Variants in NEDD1 observed in about 807,000 individuals in gnomAD.
NEDD1 encodes the protein protein NEDD1.
Under a neutral mutation model 74.0 loss-of-function variants are expected in NEDD1, and 33 were observed. That is an observed-to-expected ratio of 0.45 (90% CI 0.34 to 0.60). The LOEUF (loss-of-function observed/expected upper bound fraction) is 0.60, where lower values mean the gene tolerates loss of function less well. Among genes scored for constraint, NEDD1 ranks in the 20% least tolerant of loss-of-function variants. The pLI is 0.01. For synonymous variants in NEDD1, 250 were observed against 264.4 expected (o/e 0.95, Z 0.53); for missense variants, 746 against 776.5 (o/e 0.96, Z 0.47).
chr12:96,919,102 A>G (rs1024293206), intron 5 of NEDD1, among the ~76,000 whole-genome samples: 5 of 152,118 alleles, frequency 3.3e-5, no homozygotes, highest in Non-Finnish European at 2.9e-5. Flanking sequence ...TCTTCTCCCA[A>G]TTTTGGTCAC....
rs1467201754 is a variant in NEDD1, at chr12:96,945,869, T to G, written c.1811+20T>G. The G allele has an allele frequency of 1.3e-6, 2 of 1,519,592 alleles. No homozygotes were observed. The highest frequency in any genetic ancestry group is 2.8e-5 in the African/African-American group (2 of 72,354). The allele number at this position is 1,519,592 out of a possible 1,614,324, so 94.1% of individuals were successfully genotyped here. ...CTTTAGGTAGTAATTGAGAAACTAC[T>G]CCTTCTATCTAGACCTTACTTGTTT... On this transcript the variant is annotated intron_variant, in intron 14 of 15. Coordinates refer to ENST00000266742, the MANE Select transcript of NEDD1 (RefSeq NM_152905.4).
intron 9 of NEDD1, among the ~76,000 whole-genome samples, chr12:96,939,307 T>G (rs1336797155): frequency 6.6e-6 from 1 of 152,020 alleles, no homozygotes; most frequent in Non-Finnish European, 1.5e-5. Flanking sequence ...TTCCTAAAGT[T>G]TCAGAGGCTG....
intron 5 of NEDD1, among the ~76,000 whole-genome samples, 157 bp from the exon 6 acceptor site, chr12:96,919,828 T>C (rs1874869815): frequency 6.6e-6 from 1 of 152,242 alleles, no homozygotes; most frequent in Admixed American, 6.5e-5. Context: ...CTGGACCATT[T>C]TTATCATTAT....
chr12:96,909,928 A>AC, intron 3 of NEDD1, 33 bp downstream of exon 3: 8 of 1,587,916 alleles, frequency 5.0e-6, no homozygotes, highest in Non-Finnish European at 6.8e-6. Flanking sequence ...ACACACACAC[A>AC]CACACAAACC....
At chr12:96,932,463 A>AAAAAAAAAAATATATAT in intron 6 of NEDD1, among the ~76,000 whole-genome samples, 1 of 9,438 alleles carries the variant, frequency 1.1e-4, no homozygotes, top group African/African-American at 3.4e-4. Flanking sequence ...AAAAAAAAAA[A>AAAAAAAAAAATATATAT]ATATATATAT....
At chr12:96,948,438 C>T (rs1878406084) in intron 14 of NEDD1, among the ~76,000 whole-genome samples, 1 of 152,066 alleles carries the variant, frequency 6.6e-6, no homozygotes, top group South Asian at 2.1e-4. Context: ...GGTCTCTTTT[C>T]TCCTAGTCAT....
chr12:96,915,084 A>G lies in NEDD1; in HGVS notation c.231+2267A>G, dbSNP rs923538673. On this transcript the variant is annotated intron_variant, in intron 4 of 15. Coordinates refer to ENST00000266742, the MANE Select transcript of NEDD1 (RefSeq NM_152905.4). Reference sequence around the variant, plus strand: ...AAAGCTTCTTAGTCTCCCTCAACTAAAGTCAATTCCTAGAATGGTATCTGC... The same window carrying G: ...AAAGCTTCTTAGTCTCCCTCAACTAGAGTCAATTCCTAGAATGGTATCTGC... Among the ~76,000 whole-genome samples the G allele has an allele frequency of 2.6e-5, 4 of 152,198 alleles. No homozygotes were observed. The East Asian group carries it at 7.7e-4, about 29-fold the overall frequency.
At chr12:96,916,931 T>C (rs1874529010) in intron 4 of NEDD1, among the ~76,000 whole-genome samples, 1 of 152,106 alleles carries the variant, frequency 6.6e-6, no homozygotes, top group South Asian at 2.1e-4. Context: ...GGGGAGCCCA[T>C]GTGGGATTCA....
chr12:96,932,585 A>G (rs913619894), intron 6 of NEDD1, among the ~76,000 whole-genome samples: 2 of 145,072 alleles, frequency 1.4e-5, no homozygotes, highest in African/African-American at 5.1e-5. Flanking sequence ...CTTAGCTAAT[A>G]TCTTAATGAT....
At chr12:96,915,845 C>A (rs1329994936) in intron 4 of NEDD1, among the ~76,000 whole-genome samples, 3 of 152,068 alleles carry the variant, frequency 2.0e-5, no homozygotes, top group African/African-American at 7.2e-5. Context: ...GGGGGACAGG[C>A]AGTAAACTAG....
At chr12:96,933,577 A>G (rs1876772665) in intron 6 of NEDD1, among the ~76,000 whole-genome samples, 1 of 152,182 alleles carries the variant, frequency 6.6e-6, no homozygotes, top group South Asian at 2.1e-4. Flanking sequence ...TTCTCTTTGT[A>G]CTTTAGCCAT....
chr12:96,918,956 C>G (rs1874767643), intron 5 of NEDD1, among the ~76,000 whole-genome samples: 1 of 152,126 alleles, frequency 6.6e-6, no homozygotes, highest in Non-Finnish European at 1.5e-5. Context: ...TCTGAAAATA[C>G]TTGAAGGACC....
intron 3 of NEDD1, among the ~76,000 whole-genome samples, chr12:96,911,562 G>C (rs1053298010): frequency 6.6e-6 from 1 of 152,168 alleles, no homozygotes; most frequent in Non-Finnish European, 1.5e-5. Flanking sequence ...TGAGACACCA[G>C]AGAGATTAGT....
At chr12:96,926,365 T>C (rs573288242) in intron 6 of NEDD1, among the ~76,000 whole-genome samples, 1 of 152,308 alleles carries the variant, frequency 6.6e-6, no homozygotes, top group Non-Finnish European at 1.5e-5. Flanking sequence ...TTGTTTTGTG[T>C]ACCATTTTAT....
chr12:96,907,517 G>A, intron 1 of NEDD1, 87 bp from the exon 2 acceptor site: 1 of 1,110,994 alleles, frequency 9.0e-7, no homozygotes, highest in Middle Eastern at 2.0e-4. Flanking sequence ...CCGGAGCCTT[G>A]TGGGGTGTGC....
At position 96,911,872 on chromosome 12, in the gene NEDD1, G is replaced by T. The variant is rs913500688; in HGVS notation, c.137-851G>T. ...TTATACAGAACATTCAAAAGTTAATGCAGTTAGGGATTCTGAGTGTCTAAT... is the reference window on the plus strand; with the variant it reads ...TTATACAGAACATTCAAAAGTTAATTCAGTTAGGGATTCTGAGTGTCTAAT... On this transcript the variant is annotated intron_variant, in intron 3 of 15. Coordinates refer to ENST00000266742, the MANE Select transcript of NEDD1 (RefSeq NM_152905.4). 2.4e-4 allele frequency among the ~76,000 whole-genome samples: 36 copies of T among 152,116 alleles called. 1 individual carries two copies. Among genetic ancestry groups the T allele is most frequent in the Non-Finnish European group, 4.1e-4 (28 of 68,002 alleles).
chr12:96,917,578 G>A (rs1053522051), intron 4 of NEDD1, 43 bp from the exon 5 acceptor site: 95 of 1,479,114 alleles, frequency 6.4e-5, no homozygotes, highest in Non-Finnish European at 8.0e-5. Flanking sequence ...TCAGCTCTGG[G>A]CTCTGTTAAA....
intron 6 of NEDD1, among the ~76,000 whole-genome samples, chr12:96,922,675 A>C (rs1275882574): frequency 6.6e-6 from 1 of 152,198 alleles, no homozygotes; most frequent in Non-Finnish European, 1.5e-5. Context: ...AGTGCAGTGC[A>C]TATATCTTAA....
chr12:96,927,386 G>A (rs1420654819), intron 6 of NEDD1, among the ~76,000 whole-genome samples: 1 of 152,184 alleles, frequency 6.6e-6, no homozygotes, highest in Non-Finnish European at 1.5e-5. Flanking sequence ...GTGGATCACA[G>A]TGTCTTTCTA....
Sources: allele counts gnomAD v4.1 joint callset (sites outside exome capture counted in the v4.1 genomes callset), GRCh38; gene constraint gnomAD v4.1.1; transcripts MANE v1.5; gene names NCBI Gene and HGNC (gene_info 2026-07-23, HGNC 2026-07-21).